The following SASH1 variants were observed in gnomAD, a reference collection of about 807,000 sequenced individuals.
SASH1 encodes SAM and SH3 domain containing 1, also known as SAM and SH3 domain-containing protein 1.
A neutral mutation model predicts 125.2 loss-of-function variants in SASH1; 44 were observed. That is an observed-to-expected ratio of 0.35 (90% CI 0.28 to 0.45). SASH1 has a LOEUF of 0.45. SASH1 is among the 20% of genes least tolerant of loss of function. The probability of loss-of-function intolerance (pLI) is 1.00; values close to 1 mark genes in which losing one functional copy is unlikely to be tolerated. For synonymous variants in SASH1, 639 were observed against 649.1 expected, an observed-to-expected ratio of 0.98 and a Z score of 0.24; for missense variants, 1,426 against 1,614.5, an observed-to-expected ratio of 0.88 and a Z score of 2.00.
rs141075577 is a variant in SASH1, at chr6:148,499,691, G to C, written c.729+11976G>C. ...CTTTCCAGGAGAAGGAGAAATGTGT[G>C]TCAGGAGAGGCAGCAGCAAAGTCAG... On this transcript the variant is annotated intron_variant, in intron 8 of 19. Coordinates refer to ENST00000367467, the MANE Select transcript of SASH1 (RefSeq NM_015278.5). Among the ~76,000 whole-genome samples, 365 of 152,274 alleles carry C rather than the reference G, an allele frequency of 2.4e-3. 5 individuals are homozygous for C. Among genetic ancestry groups the C allele is most frequent in the African/African-American group, 8.3e-3 (346 of 41,556 alleles).
At chr6:148,545,217 C>T (rs892102720) in intron 18 of SASH1, among the ~76,000 whole-genome samples, 3 of 151,850 alleles carry the variant, frequency 2.0e-5, no homozygotes, top group Non-Finnish European at 4.4e-5. Flanking sequence ...AATTATTTCT[C>T]ATTCAAAAAA....
chr6:148,413,000 T>C (rs1453598001), intron 2 of SASH1, among the ~76,000 whole-genome samples: 1 of 152,224 alleles, frequency 6.6e-6, no homozygotes, highest in Non-Finnish European at 1.5e-5. Flanking sequence ...GTTGTTTGTG[T>C]TGATTTCTTG....
chr6:148,207,784 G>A, the SASH1 span, among the ~76,000 whole-genome samples: 4,741 of 152,288 alleles, frequency 0.031, 115 homozygotes, highest in South Asian at 0.064. Context: ...GTGAGTCAGA[G>A]TCAAGATTCA....
chr6:148,343,309 C>G, intron 1 of SASH1, 86 bp downstream of exon 1: 5 of 1,313,090 alleles, frequency 3.8e-6, no homozygotes, highest in Non-Finnish European at 5.3e-6. Context: ...CGCCCACCCA[C>G]TGGGCAACCC....
chr6:148,252,758 C>T, the SASH1 span, among the ~76,000 whole-genome samples: 1 of 152,284 alleles, frequency 6.6e-6, no homozygotes, highest in African/African-American at 2.4e-5. Context: ...GGATTACAGC[C>T]ATGAGCCACC....
intron 16 of SASH1, 77 bp from the exon 17 acceptor site, chr6:148,540,365 TA>T: frequency 9.1e-7 from 1 of 1,093,840 alleles, no homozygotes; most frequent in Non-Finnish European, 1.4e-6. Flanking sequence ...TAACTGAGGA[TA>T]AAGTCGAGAT....
chr6:148,288,061 A>G (rs1328333141), intron 1 of SASH1, among the ~76,000 whole-genome samples: 2 of 152,246 alleles, frequency 1.3e-5, no homozygotes, highest in East Asian at 3.9e-4. Flanking sequence ...ACGTTTCATC[A>G]TCGCCCTAAC....
At chr6:148,332,960 C>A (rs1324516384) in intron 1 of SASH1, among the ~76,000 whole-genome samples, 1 of 152,022 alleles carries the variant, frequency 6.6e-6, no homozygotes, top group Non-Finnish European at 1.5e-5. Flanking sequence ...GCACTCCAGG[C>A]TAGGCAACAG....
chr6:148,425,021 T>C (rs923931202), intron 2 of SASH1, among the ~76,000 whole-genome samples: 29 of 152,150 alleles, frequency 1.9e-4, no homozygotes, highest in African/African-American at 6.5e-4. Flanking sequence ...GTGTAAGTGA[T>C]TCCCATGAGC....
chr6:148,545,141 G>C (rs1782482840), intron 18 of SASH1, among the ~76,000 whole-genome samples: 1 of 152,114 alleles, frequency 6.6e-6, no homozygotes, highest in African/African-American at 2.4e-5. Flanking sequence ...TTATCTGTAT[G>C]GGTAATGGGA....
At chr6:148,471,585 C>A in intron 6 of SASH1, 82 bp downstream of exon 6, 1 of 840,084 alleles carries the variant, frequency 1.2e-6, no homozygotes, top group Non-Finnish European at 2.0e-6. Flanking sequence ...TCAGTGGATG[C>A]TATAAGTTAG....
chr6:148,211,108 A>G, the SASH1 span, among the ~76,000 whole-genome samples: 25 of 152,324 alleles, frequency 1.6e-4, no homozygotes, highest in Non-Finnish European at 2.9e-4. Flanking sequence ...AGGAGCAACT[A>G]AAGATATGCT....
intron 1 of SASH1, among the ~76,000 whole-genome samples, chr6:148,355,514 G>T (rs1453543629): frequency 6.6e-6 from 1 of 152,206 alleles, no homozygotes; most frequent in Non-Finnish European, 1.5e-5. Context: ...CATTATCAAA[G>T]AACTGGCTCC....
intron 8 of SASH1, among the ~76,000 whole-genome samples, chr6:148,510,347 A>G (rs984390171): frequency 6.6e-5 from 10 of 152,348 alleles, no homozygotes; most frequent in African/African-American, 2.4e-4. Flanking sequence ...AGGAGCTGTC[A>G]TACAGATGAT....
At chr6:148,448,111 A>AGT (rs765335589) in intron 4 of SASH1, among the ~76,000 whole-genome samples, 1 of 132,054 alleles carries the variant, frequency 7.6e-6, no homozygotes, top group Non-Finnish European at 1.6e-5. Context: ...ATTGCAGTGG[A>AGT]GAGAGTGTGT....
intron 16 of SASH1, among the ~76,000 whole-genome samples, chr6:148,538,184 G>T (rs751212443): frequency 1.3e-5 from 2 of 152,074 alleles, no homozygotes; most frequent in African/African-American, 2.4e-5. Flanking sequence ...ATAATTTCAG[G>T]TATTCTGCTG....
intron 1 of SASH1, among the ~76,000 whole-genome samples, chr6:148,302,481 T>C (rs1315116712): frequency 6.6e-6 from 1 of 151,700 alleles, no homozygotes; most frequent in African/African-American, 2.4e-5. Flanking sequence ...CCATGATACT[T>C]GTGTTAAAGA....
chr6:148,531,719 T>A, intron 13 of SASH1, 58 bp downstream of exon 13: 2 of 1,356,642 alleles, frequency 1.5e-6, no homozygotes, highest in South Asian at 4.3e-5. Flanking sequence ...TGACATATAC[T>A]GAGCACTAGG....
chr6:148,328,801 C>T (rs1013872800), intron 1 of SASH1, among the ~76,000 whole-genome samples: 1 of 152,142 alleles, frequency 6.6e-6, no homozygotes, highest in Non-Finnish European at 1.5e-5. Context: ...TTTATCTTTA[C>T]ATTATTACAG....
Sources: gnomAD v4.1 joint callset for allele counts (sites outside exome capture counted in the v4.1 genomes callset) on GRCh38, gnomAD v4.1.1 for gene constraint, MANE v1.5 for transcripts, NCBI Gene and HGNC (gene_info 2026-07-23, HGNC 2026-07-21) for gene names.